ZNF717: variants seen among roughly 807,000 people sequenced by gnomAD.
The protein encoded by ZNF717 is krueppel-like factor X17.
Under a neutral mutation model 13.8 loss-of-function variants are expected in ZNF717, and 9 were observed. That is an observed-to-expected ratio of 0.65 (90% CI 0.39 to 1.14). ZNF717 has a LOEUF of 1.14. Among genes scored for constraint, ZNF717 ranks in the 50% most tolerant of loss-of-function variants. The pLI is 0.01. For synonymous variants in ZNF717, 327 were observed against 364.1 expected, an observed-to-expected ratio of 0.90 and a Z score of 1.16; for missense variants, 1,040 against 1,080.7, an observed-to-expected ratio of 0.96 and a Z score of 0.53.
Position 75,736,750 on chromosome 3 carries a change from T to C in ZNF717, c.*128A>G. ...AACAAAGCCTGCATGATAGGACTTCTGTTACAGCATGGTTAAGACCTTCTT... is the reference window on the plus strand; with the variant it reads ...AACAAAGCCTGCATGATAGGACTTCCGTTACAGCATGGTTAAGACCTTCTT... On this transcript the variant is annotated 3_prime_UTR_variant, in exon 5 of 5. Coordinates refer to ENST00000652011, the MANE Select transcript of ZNF717 (RefSeq NM_001290208.3). 1 of 717,434 alleles carries C rather than the reference T, an allele frequency of 1.4e-6. No homozygotes were observed. Among genetic ancestry groups the C allele is most frequent in the Non-Finnish European group, 2.2e-6 (1 of 462,924 alleles). 44.4% of individuals were successfully genotyped at this position (717,434 alleles called of 1,614,324 possible). A position where few individuals can be genotyped will look rare whatever the true frequency, so the allele number is the denominator to read the frequency against.
At chr3:75,775,980 C>T (rs1305947643) in intron 2 of ZNF717, among the ~76,000 whole-genome samples, 2 of 152,144 alleles carry the variant, frequency 1.3e-5, no homozygotes, top group Non-Finnish European at 2.9e-5. Flanking sequence ...GCTAAATCAC[C>T]AATACTGAAA....
At chr3:75,731,135 G>C (rs1194470240), downstream of ZNF717, among the ~76,000 whole-genome samples, 2 of 152,060 alleles carry the variant, frequency 1.3e-5, no homozygotes, top group Non-Finnish European at 2.9e-5. Context: ...CCAGCACTTC[G>C]GGAGCTTGAG....
intron 2 of ZNF717, among the ~76,000 whole-genome samples, chr3:75,756,696 C>T (rs529436156): frequency 1.5e-4 from 23 of 151,220 alleles, no homozygotes; most frequent in Non-Finnish European, 1.3e-4. Flanking sequence ...TTTTTTGAGA[C>T]GGAGTTTCAT....
rs75051464 is a variant in ZNF717 at position 75,736,700 on chromosome 3, C to A, written c.*178G>T. On this transcript the variant is annotated 3_prime_UTR_variant, in exon 5 of 5. Coordinates refer to ENST00000652011, the MANE Select transcript of ZNF717 (RefSeq NM_001290208.3). ...CAGCCATATCTGTGACATTAAAGTG[C>A]AAAGTGTGCTGTAAAAATGGGAACA... 11 of 622,390 alleles carry A rather than the reference C, an allele frequency of 1.8e-5. No individual in the cohort carries two copies. In the Admixed American group the frequency reaches 3.4e-4, roughly 19 times the overall value. The allele number at this position is 622,390 out of a possible 1,614,324, so 38.6% of individuals were successfully genotyped here.
chr3:75,712,575 T>C (rs1185998499), intron 5 of ZNF717, among the ~76,000 whole-genome samples: 3 of 152,184 alleles, frequency 2.0e-5, no homozygotes, highest in Admixed American at 6.5e-5. Flanking sequence ...ACTCAGACCA[T>C]TGGTGACATT....
chr3:75,740,321 C>T (rs1330903863), intron 4 of ZNF717, among the ~76,000 whole-genome samples: 2 of 152,200 alleles, frequency 1.3e-5, no homozygotes, highest in African/African-American at 4.8e-5. Flanking sequence ...TTTCTTTGGA[C>T]TTGAGACCCA....
chr3:75,711,015 A>C (rs1163197573), exon 6 of ZNF717: 1 of 152,170 alleles, frequency 6.6e-6, no homozygotes, highest in Admixed American at 6.6e-5. Context: ...AGGAAGTGAC[A>C]ATTTTTACTC....
intron 5 of ZNF717, among the ~76,000 whole-genome samples, chr3:75,716,243 TAAG>T (rs1403413318): frequency 6.6e-6 from 1 of 151,184 alleles, no homozygotes; most frequent in Admixed American, 6.6e-5. Context: ...CCTCCCAAGA[TAAG>T]ATTGTTCACA....
chr3:75,767,426 T>C (rs142128059), intron 2 of ZNF717, among the ~76,000 whole-genome samples: 1,513 of 150,388 alleles, frequency 0.01, no homozygotes, highest in Non-Finnish European at 0.016. Flanking sequence ...TTCTTCAGAA[T>C]AGATAACTGG....
Position 75,783,302 on chromosome 3 carries a change from T to C in ZNF717, c.57+4A>G. The C allele has an allele frequency of 2.6e-6, 4 of 1,548,926 alleles. No homozygotes were observed. Among genetic ancestry groups the C allele is most frequent in the Non-Finnish European group, 3.5e-6 (4 of 1,144,520 alleles). On this transcript the variant is annotated splice_donor_region_variant and intron_variant, in intron 2 of 4. Coordinates refer to ENST00000652011, the MANE Select transcript of ZNF717 (RefSeq NM_001290208.3). Reference sequence around the variant, plus strand: ...ACAAAGTGAAGAACAAATAAACAACTCACCAGAGATTTATTCTTTTCTTGT... The same window carrying C: ...ACAAAGTGAAGAACAAATAAACAACCCACCAGAGATTTATTCTTTTCTTGT...
At chr3:75,707,736 G>C (rs112178832), downstream of ZNF717, among the ~76,000 whole-genome samples, 1 of 152,138 alleles carries the variant, frequency 6.6e-6, no homozygotes, top group Admixed American at 6.5e-5. Flanking sequence ...CCGGAAAATC[G>C]GGTCACTCCC....
chr3:75,764,925 C>G (rs1369457824), intron 2 of ZNF717, among the ~76,000 whole-genome samples: 1 of 149,896 alleles, frequency 6.7e-6, no homozygotes, highest in Non-Finnish European at 1.5e-5. Context: ...TTCACAGCAG[C>G]ATTACACAGC....
intron 1 of ZNF717, chr3:75,784,895 C>G (rs1448913827): frequency 6.6e-6 from 1 of 152,168 alleles, no homozygotes; most frequent in Non-Finnish European, 1.5e-5. Flanking sequence ...CCTTATAACA[C>G]ACGGTTAAGA....
rs79982156 is a variant in ZNF717 at position 75,738,057 on chromosome 3, G to C, written c.1566C>G (p.Leu522=). 7.4e-7 allele frequency: 1 copy of C among 1,342,824 alleles called. No individual in the cohort carries two copies. Among genetic ancestry groups the C allele is most frequent in the South Asian group, 1.5e-5 (1 of 68,892 alleles). 83.2% of individuals were successfully genotyped at this position (1,342,824 alleles called of 1,614,324 possible). The change falls in exon 5 of 5, where the codon CTC becomes CTG. Residue 522 remains leucine, a synonymous_variant. Coordinates refer to ENST00000652011, the MANE Select transcript of ZNF717 (RefSeq NM_001290208.3). The stretch of plus-strand genomic sequence containing the variant: ...CAGCATGAGTTCTCTGATGGACAGT[G>C]AGGAATGACTTACAGCGAAAGGTTT... The part of the protein sequence containing the change: ...CGKTFRCKSF[L]TVHQRTHAGE...
At chr3:75,776,202 A>G (rs1575974523) in intron 2 of ZNF717, among the ~76,000 whole-genome samples, 1 of 152,388 alleles carries the variant, frequency 6.6e-6, no homozygotes, top group East Asian at 1.9e-4. Flanking sequence ...AAAGTTTTGC[A>G]TTCCATAACT....
At chr3:75,719,159 G>A (rs1575720751) in intron 4 of ZNF717, among the ~76,000 whole-genome samples, 1 of 152,040 alleles carries the variant, frequency 6.6e-6, no homozygotes, top group African/African-American at 2.4e-5. Flanking sequence ...ACCAGGTGTG[G>A]TGTCACATGC....
downstream of ZNF717, among the ~76,000 whole-genome samples, chr3:75,707,971 C>A (rs112438620): frequency 7.8e-6 from 1 of 128,876 alleles, no homozygotes; most frequent in African/African-American, 2.8e-5. Flanking sequence ...CTGGATGGAG[C>A]CCACCACAGC....
chr3:75,708,398 C>T (rs1937849810), downstream of ZNF717, among the ~76,000 whole-genome samples: 1 of 150,360 alleles, frequency 6.7e-6, no homozygotes. Flanking sequence ...AGACCTGCAG[C>T]TGAGAGTCCT....
chr3:75,741,025 G>C (rs76859099), intron 4 of ZNF717, among the ~76,000 whole-genome samples: 1 of 138,808 alleles, frequency 7.2e-6, no homozygotes, highest in Non-Finnish European at 1.6e-5. Flanking sequence ...ATAAATAGCA[G>C]AGAAAAAGGC....
Sources: gnomAD v4.1 joint callset for allele counts (sites outside exome capture counted in the v4.1 genomes callset) on GRCh38, gnomAD v4.1.1 for gene constraint, MANE v1.5 for transcripts, NCBI Gene and HGNC (gene_info 2026-07-23, HGNC 2026-07-21) for gene names.